The following PFKFB1 variants were observed in gnomAD, a reference collection of about 807,000 sequenced individuals.
PFKFB1 encodes the protein 6-phosphofructo-2-kinase/fructose-2,6-biphosphatase 1.
PFKFB1 carries 34 observed loss-of-function variants against 46.4 expected under a neutral mutation model. The observed-to-expected ratio is 0.73, with a 90% CI of 0.56 to 0.98. PFKFB1 has a LOEUF of 0.98. PFKFB1 is among the 50% of genes least tolerant of loss of function. The pLI is 0.00. For missense variants in PFKFB1, 393 were observed against 376.3 expected, an observed-to-expected ratio of 1.04 and a Z score of -0.37; for synonymous variants, 119 against 133.8, an observed-to-expected ratio of 0.89 and a Z score of 0.76.
intron 1 of PFKFB1, among the ~76,000 whole-genome samples, chrX:54,974,441 C>A (rs1174325456): frequency 9.0e-6 from 1 of 111,451 alleles, no homozygotes; most frequent in Non-Finnish European, 1.9e-5. Flanking sequence ...TCACTTTATA[C>A]AAAAATCAAC....
chrX:54,991,525 CCCTCTCTCTCTCTCTGTG>C (rs1935237671), intron 1 of PFKFB1, among the ~76,000 whole-genome samples: 1 of 84,503 alleles, frequency 1.2e-5, no homozygotes, highest in African/African-American at 4.2e-5. Context: ...CTCTCTCTCT[CCCTCTCTCTCTCTCTGTG>C]TGTGTGTGTG....
intron 1 of PFKFB1, among the ~76,000 whole-genome samples, chrX:54,973,197 C>T (rs924960237): frequency 9.0e-6 from 1 of 111,366 alleles, no homozygotes; most frequent in African/African-American, 3.3e-5. Context: ...TCCCCTTTAT[C>T]ATTTTTTATT....
intron 11 of PFKFB1, among the ~76,000 whole-genome samples, chrX:54,935,381 C>A (rs1329014190): frequency 8.9e-6 from 1 of 111,918 alleles, no homozygotes; most frequent in Non-Finnish European, 1.9e-5. Flanking sequence ...GCCCACAGTT[C>A]ACGTCAGCAA....
chrX:54,974,993 A>C (rs1934798944), intron 1 of PFKFB1, among the ~76,000 whole-genome samples: 1 of 111,471 alleles, frequency 9.0e-6, no homozygotes, highest in Non-Finnish European at 1.9e-5. Flanking sequence ...AAACACTTTT[A>C]TAGTGCTGGT....
chrX:54,985,774 G>A (rs902443662), intron 1 of PFKFB1, among the ~76,000 whole-genome samples: 1 of 109,520 alleles, frequency 9.1e-6, no homozygotes, highest in South Asian at 3.8e-4. Context: ...AGGTGAAAGA[G>A]AGCTATATAT....
chrX:54,951,884 G>T (rs780853261), intron 8 of PFKFB1, 21 bp downstream of exon 8: 2 of 1,167,236 alleles, frequency 1.7e-6, no homozygotes, highest in Non-Finnish European at 2.3e-6. Flanking sequence ...AACCCATCTG[G>T]GTGTGTGTGG....
At chrX:54,956,650 T>A (rs1934151214) in intron 6 of PFKFB1, among the ~76,000 whole-genome samples, 1 of 111,140 alleles carries the variant, frequency 9.0e-6, no homozygotes, top group Non-Finnish European at 1.9e-5. Context: ...ACCGGGAGAT[T>A]ATGATGTGCT....
intron 12 of PFKFB1, 66 bp downstream of exon 12, chrX:54,934,881 G>A: frequency 1.1e-6 from 1 of 917,780 alleles, no homozygotes; most frequent in Non-Finnish European, 1.6e-6. Flanking sequence ...TGGGCAAATG[G>A]TAGGCACTAG....
At chrX:54,998,275 T>C (rs956869964), upstream of PFKFB1, 11 of 512,740 alleles carry the variant, frequency 2.1e-5, no homozygotes, top group Non-Finnish European at 3.0e-5. Context: ...TATAATCTTT[T>C]CCCCCACTTT....
At chrX:54,965,021 C>T (rs889657663) in intron 1 of PFKFB1, among the ~76,000 whole-genome samples, 1 of 111,112 alleles carries the variant, frequency 9.0e-6, no homozygotes, top group South Asian at 3.8e-4. Flanking sequence ...AAAAAAGAAA[C>T]CAGAACAAAA....
intron 1 of PFKFB1, among the ~76,000 whole-genome samples, chrX:54,964,149 A>T (rs1405844811): frequency 1.8e-5 from 2 of 110,558 alleles, no homozygotes; most frequent in Non-Finnish European, 3.8e-5. Context: ...AAAAAAAAAA[A>T]AGTCCTAACC....
At chrX:54,938,034 G>C (rs1250040880) in intron 10 of PFKFB1, among the ~76,000 whole-genome samples, 1 of 111,501 alleles carries the variant, frequency 9.0e-6, no homozygotes, top group Non-Finnish European at 1.9e-5. Flanking sequence ...CAAAAATAAA[G>C]AAAATTTTAT....
chrX:54,977,630 A>G (rs1035416224), intron 1 of PFKFB1, among the ~76,000 whole-genome samples: 1 of 111,095 alleles, frequency 9.0e-6, no homozygotes, highest in African/African-American at 3.3e-5. Flanking sequence ...ATGCACACAA[A>G]TATTTCTTAG....
intron 11 of PFKFB1, among the ~76,000 whole-genome samples, chrX:54,935,962 C>T (rs1933375331): frequency 9.0e-6 from 1 of 111,597 alleles, no homozygotes; most frequent in Admixed American, 9.5e-5. Context: ...CACTGCCCTC[C>T]CAGCCTCCTG....
rs768231323 is a variant in PFKFB1 at position 54,980,884 on chromosome X, G to A, written c.97+13027C>T. The stretch of plus-strand genomic sequence containing the variant: ...GTTGTATGTTTAAAGAAATGAAGAA[G>A]GTATCAACAGTATGTCAACGAAATG... On this transcript the variant is annotated intron_variant, in intron 1 of 13. Transcript: ENST00000375006. Among the ~76,000 whole-genome samples, 3 of 111,003 alleles carry A rather than the reference G, an allele frequency of 2.7e-5. No homozygotes were observed. The Admixed American group carries it at 2.9e-4, about 11-fold the overall frequency.
intron 1 of PFKFB1, among the ~76,000 whole-genome samples, chrX:54,988,228 C>T (rs942556197): frequency 9.0e-6 from 1 of 111,236 alleles, no homozygotes; most frequent in African/African-American, 3.3e-5. Context: ...TTAAGTAAAA[C>T]AATTTTATTT....
intron 8 of PFKFB1, 27 bp from the exon 9 acceptor site, chrX:54,949,248 G>A: frequency 8.6e-7 from 1 of 1,158,633 alleles, no homozygotes; most frequent in Non-Finnish European, 1.2e-6. Context: ...CAGAGGAGGA[G>A]AGAAGGGGAA....
intron 7 of PFKFB1, among the ~76,000 whole-genome samples, chrX:54,953,950 T>A (rs1012808356): frequency 1.8e-5 from 2 of 112,067 alleles, no homozygotes; most frequent in African/African-American, 6.5e-5. Flanking sequence ...CATTTATACC[T>A]CAAGAGCCGG....
At chrX:54,942,368 T>C (rs1376633439) in intron 10 of PFKFB1, among the ~76,000 whole-genome samples, 3 of 111,713 alleles carry the variant, frequency 2.7e-5, no homozygotes, top group Middle Eastern at 4.6e-3. Context: ...ATTGTGCACA[T>C]GTACCCTAAA....
Sources: gnomAD v4.1 joint callset for allele counts (sites outside exome capture counted in the v4.1 genomes callset) on GRCh38, gnomAD v4.1.1 for gene constraint, MANE v1.5 for transcripts, NCBI Gene and HGNC (gene_info 2026-07-23, HGNC 2026-07-21) for gene names.